Variants in ISG20L2 observed in about 807,000 individuals in gnomAD.
ISG20L2 encodes the protein interferon stimulated exonuclease gene 20 like 2.
A neutral mutation model predicts 27.8 loss-of-function variants in ISG20L2; 14 were observed. The observed-to-expected ratio is 0.50, with a 90% confidence interval of 0.33 to 0.79. ISG20L2 has a LOEUF of 0.79. Ranked by LOEUF, ISG20L2 falls within the 30% of genes least tolerant of loss-of-function variation. The pLI is 0.02. For missense variants in ISG20L2, 393 were observed against 435.1 expected (o/e 0.90, Z 0.86); for synonymous variants, 157 against 165.7 (o/e 0.95, Z 0.40).
At chr1:156,723,852 T>C (rs1442939745) in intron 3 of ISG20L2, 1 of 1,258,874 alleles carries the variant, frequency 7.9e-7, no homozygotes. Flanking sequence ...GCGTGTAAAA[T>C]ACGAGCGGTC....
intron 3 of ISG20L2, 192 bp downstream of exon 3, chr1:156,723,956 C>T: frequency 7.9e-7 from 1 of 1,262,764 alleles, no homozygotes; most frequent in Non-Finnish European, 1.1e-6. Flanking sequence ...TTTCCCTTTT[C>T]CAAAGCACAC....
rs1471647929 is a variant in ISG20L2, at chr1:156,728,447, T to C, written c.-150A>G. On this transcript the variant is annotated 5_prime_UTR_variant, in exon 1 of 4. Coordinates refer to ENST00000368219, the MANE Select transcript of ISG20L2 (RefSeq NM_001370150.2). ...ACGGGTCCAGCTAAGACCGGAAGCG[T>C]CCGGAGCCGGATGCGGAAATCGGTG... The C allele has an allele frequency of 1.0e-6, 1 of 985,544 alleles. No individual in the cohort carries two copies. Among genetic ancestry groups the C allele is most frequent in the African/African-American group, 1.7e-5 (1 of 57,208 alleles). 61.0% of individuals were successfully genotyped at this position (985,544 alleles called of 1,614,324 possible).
chr1:156,727,577 G>T lies in ISG20L2; in HGVS notation c.76C>A (p.Arg26=), dbSNP rs766976138. 6 of 1,613,990 alleles carry T rather than the reference G, an allele frequency of 3.7e-6. No individual in the cohort carries two copies. The highest frequency in any genetic ancestry group is 5.1e-6 in the Non-Finnish European group (6 of 1,180,010). The change falls in exon 2 of 4, where the codon CGA becomes AGA. Residue 26 remains arginine, a synonymous_variant. Coordinates refer to ENST00000368219, the MANE Select transcript of ISG20L2 (RefSeq NM_001370150.2). ...AGCCTCCGCTTCTTGACAAAATTTC[G>T]GTGCTTGGCATTTCCTTCTAATGCC... is the stretch of plus-strand genomic sequence containing the variant. The part of the protein sequence containing the change: ...KKALEGNAKH[R]NFVKKRRLLE...
At position 156,723,189 on chromosome 1, in the gene ISG20L2, A is replaced by G. The variant is rs1164477090; in HGVS notation, c.*160T>C. On this transcript the variant is annotated 3_prime_UTR_variant, in exon 4 of 4. Coordinates refer to ENST00000368219, the MANE Select transcript of ISG20L2 (RefSeq NM_001370150.2). ...AACCAGACACAGGACACAACACCTG[A>G]GGTGAAATTTCAATGGGTATTAAGT... 4 of 843,790 alleles carry G rather than the reference A, an allele frequency of 4.7e-6. No homozygotes were observed. In the African/African-American group the frequency reaches 6.8e-5, roughly 14 times the overall value. 52.3% of individuals were successfully genotyped at this position (843,790 alleles called of 1,614,324 possible). A position where few individuals can be genotyped will look rare whatever the true frequency, so the allele number is the denominator to read the frequency against.
intron 3 of ISG20L2, chr1:156,723,855 G>C: frequency 1.6e-6 from 2 of 1,256,870 alleles, no homozygotes; most frequent in Admixed American, 7.2e-5. Context: ...TGTAAAATAC[G>C]AGCGGTCCTT....
intron 2 of ISG20L2, chr1:156,726,473 A>C (rs1242813555): frequency 1.0e-4 from 95 of 941,816 alleles, no homozygotes; most frequent in Non-Finnish European, 1.2e-4. Flanking sequence ...CTCAGGCTGG[A>C]GTGCAGTGGC....
rs1266259423 is a variant in ISG20L2, at chr1:156,726,421, GTTTT to G, written c.747+481_747+484del. The G allele has an allele frequency of 1.2e-5, 12 of 985,134 alleles. 1 individual carries two copies. The highest frequency in any genetic ancestry group is 1.0e-3 in the Middle Eastern group (2 of 1,914). The allele number at this position is 985,134 out of a possible 1,614,324, so 61.0% of individuals were successfully genotyped here. On this transcript the variant is annotated intron_variant, in intron 2 of 3. Coordinates refer to ENST00000368219, the MANE Select transcript of ISG20L2 (RefSeq NM_001370150.2). ...CAGACCCAATTTAGAACCTAAAATA[GTTTT>G]TTTGTTTGTTTTTTTGAGACAGGAT... is the stretch of plus-strand genomic sequence containing the variant.
At chr1:156,726,771 C>A in intron 2 of ISG20L2, 135 bp downstream of exon 2, 1 of 1,466,950 alleles carries the variant, frequency 6.8e-7, no homozygotes, top group East Asian at 2.4e-5. Context: ...AGGGGGCCTT[C>A]TTCAACAACT....
At chr1:156,728,154 CG>C (rs1648894690) in intron 1 of ISG20L2, 1 of 987,472 alleles carries the variant, frequency 1.0e-6, no homozygotes, top group Non-Finnish European at 1.2e-6. Flanking sequence ...AGAAGTATGG[CG>C]TAGATAACCT....
chr1:156,725,932 T>C, intron 2 of ISG20L2: 1 of 985,550 alleles, frequency 1.0e-6, no homozygotes, highest in African/African-American at 1.7e-5. Context: ...GGGCAGAGTG[T>C]GGACCTGAAA....
Position 156,723,202 on chromosome 1 carries a change from A to G in ISG20L2, c.*147T>C. ...ACACAACACCTGAGGTGAAATTTCA[A>G]TGGGTATTAAGTCTGGGGTAGAGCT... is the stretch of plus-strand genomic sequence containing the variant. On this transcript the variant is annotated 3_prime_UTR_variant, in exon 4 of 4. Transcript: ENST00000368219. The G allele has an allele frequency of 1.1e-6, 1 of 952,178 alleles. No homozygotes were observed. 59.0% of individuals were successfully genotyped at this position (952,178 alleles called of 1,614,324 possible).
chr1:156,728,414 C>A lies in ISG20L2; in HGVS notation c.-118+1G>T. The A allele has an allele frequency of 1.0e-6, 1 of 985,638 alleles. No individual in the cohort carries two copies. Among genetic ancestry groups the A allele is most frequent in the Non-Finnish European group, 1.2e-6 (1 of 829,952 alleles). 61.1% of individuals were successfully genotyped at this position (985,638 alleles called of 1,614,324 possible). On this transcript the variant is annotated splice_donor_variant, in intron 1 of 3. Coordinates refer to ENST00000368219, the MANE Select transcript of ISG20L2 (RefSeq NM_001370150.2). LOFTEE classifies it low-confidence loss of function (5UTR_SPLICE). ...TCGATCTCTCACGCTCACAAACCTA[C>A]CTCCCAGACGGGTCCAGCTAAGACC... is the stretch of plus-strand genomic sequence containing the variant.
Position 156,727,093 on chromosome 1 carries a change from A to ACAGTCAATTG in ISG20L2, c.559_560insCAATTGACTG (p.Val187AlafsTer13). ...AACATGCCCCTTTGGTCCTGTGCCC[A>ACAGTCAATTG]CCATCTCACAGTCAATTGCCACCAT... On this transcript the variant is annotated frameshift_variant, in exon 2 of 4. Coordinates refer to ENST00000368219, the MANE Select transcript of ISG20L2 (RefSeq NM_001370150.2). LOFTEE classifies it high-confidence loss of function. The ACAGTCAATTG allele has an allele frequency of 6.2e-7, 1 of 1,614,138 alleles. No individual in the cohort carries two copies. Among genetic ancestry groups the ACAGTCAATTG allele is most frequent in the Non-Finnish European group, 8.5e-7 (1 of 1,180,030 alleles).
Position 156,724,347 on chromosome 1 carries a change from A to G in ISG20L2, c.749T>C (p.Ile250Thr). The change falls in exon 3 of 4, where the codon ATC becomes ACC. Residue 250 changes from isoleucine to threonine, a missense_variant and splice_region_variant. Transcript: ENST00000368219. Reference protein sequence around the residue: ...ATPFKIARGQILKILTGKIVV... With the variant: ...ATPFKIARGQTLKILTGKIVV... ...TATCTTCCCTGTGAGTATCTTCAAG[A>G]TCTGGAAGAAGTGTGGGAAGAGAGT... 1 of 1,606,196 alleles carries G rather than the reference A, an allele frequency of 6.2e-7. No individual in the cohort carries two copies. The highest frequency in any genetic ancestry group is 8.5e-7 in the Non-Finnish European group (1 of 1,173,820).
chr1:156,726,421 G>GT (rs1266259423), intron 2 of ISG20L2: 18 of 985,016 alleles, frequency 1.8e-5, no homozygotes, highest in South Asian at 9.4e-5. Context: ...ACCTAAAATA[G>GT]TTTTTTTGTT....
At chr1:156,728,260 C>T in intron 1 of ISG20L2, 155 bp downstream of exon 1, 1 of 986,092 alleles carries the variant, frequency 1.0e-6, no homozygotes. Context: ...TGGGGGCAAT[C>T]TCCGCATGCA....
rs770961832 is a variant in ISG20L2 at position 156,727,528 on chromosome 1, C to T, written c.125G>A (p.Ser42Asn). 2.5e-6 allele frequency: 4 copies of T among 1,614,142 alleles called. No individual in the cohort carries two copies. Among genetic ancestry groups the T allele is most frequent in the Non-Finnish European group, 3.4e-6 (4 of 1,180,030 alleles). Residue 42 changes from serine (S) to asparagine (N), a missense_variant, in exon 2 of 4, where the codon AGT (serine) becomes AAT (asparagine). Around this residue, in one of 3 missense-constraint regions of ISG20L2, gnomAD observed 183 missense variants for 168.2 expected, o/e 1.09. Coordinates refer to ENST00000368219, the MANE Select transcript of ISG20L2 (RefSeq NM_001370150.2). The stretch of plus-strand genomic sequence containing the variant: ...CTTGCTAGGGGGTTGGTTCTTTTTA[C>T]TCAGAAAGCCTCTCCGTTCTAAGAG... Reference protein sequence around the residue: ...RRLLERRGFLSKKNQPPSKAP... With the variant: ...RRLLERRGFLNKKNQPPSKAP...
At chr1:156,723,604 TGGG>T in intron 3 of ISG20L2, 142 bp from the exon 4 acceptor site, 2 of 1,466,528 alleles carry the variant, frequency 1.4e-6, no homozygotes, top group Non-Finnish European at 9.0e-7. Flanking sequence ...AGAATTCTGG[TGGG>T]GTCCTACTCC....
Position 156,723,157 on chromosome 1 carries a change from G to C in ISG20L2, c.*192C>G. The C allele has an allele frequency of 4.5e-6, 3 of 661,526 alleles. No individual in the cohort carries two copies. The highest frequency in any genetic ancestry group is 7.6e-6 in the Non-Finnish European group (3 of 392,976). 41.0% of individuals were successfully genotyped at this position (661,526 alleles called of 1,614,324 possible). A position where few individuals can be genotyped will look rare whatever the true frequency, so the allele number is the denominator to read the frequency against. On this transcript the variant is annotated 3_prime_UTR_variant, in exon 4 of 4. Coordinates refer to ENST00000368219, the MANE Select transcript of ISG20L2 (RefSeq NM_001370150.2). Reference sequence around the variant, plus strand: ...ACGTGAAGGCTTTCCCCTTCCATGGGACACTTAACCAGACACAGGACACAA... The same window carrying C: ...ACGTGAAGGCTTTCCCCTTCCATGGCACACTTAACCAGACACAGGACACAA...
Sources: allele counts gnomAD v4.1 joint callset, GRCh38; gene constraint gnomAD v4.1.1; regional missense constraint gnomAD v4.1.1; transcripts MANE v1.5; gene names NCBI Gene and HGNC (gene_info 2026-07-23, HGNC 2026-07-21).